The following KIAA1217 variants were observed in gnomAD, a reference collection of about 807,000 sequenced individuals.
KIAA1217 encodes the protein sickle tail protein homolog.
KIAA1217 carries 88 observed loss-of-function variants against 163.9 expected under a neutral mutation model. The observed-to-expected ratio is 0.54, with a 90% CI of 0.45 to 0.64. The LOEUF is 0.64. Ranked by LOEUF, KIAA1217 falls within the 30% of genes least tolerant of loss-of-function variation. KIAA1217 has a pLI of 0.00. For synonymous variants in KIAA1217, 903 were observed against 923.1 expected, an observed-to-expected ratio of 0.98 and a Z score of 0.39; for missense variants, 2,372 against 2,475.0, an observed-to-expected ratio of 0.96 and a Z score of 0.88.
rs1164253880 is a variant in KIAA1217, at chr10:24,324,088, G to A, written c.355-56781G>A. Among the ~76,000 whole-genome samples, 3 of 151,574 alleles carry A rather than the reference G, an allele frequency of 2.0e-5. No homozygotes were observed. In the East Asian group the frequency reaches 5.8e-4, roughly 29 times the overall value. ...TTGAGACCAGCCTGGGCAGTATAGCGAGACCTCATCTCTACAAAAAAAAAT... is the reference window on the plus strand; with the variant it reads ...TTGAGACCAGCCTGGGCAGTATAGCAAGACCTCATCTCTACAAAAAAAAAT... On this transcript the variant is annotated intron_variant, in intron 2 of 20. Transcript: ENST00000376454.
rs1304292494 is a variant in KIAA1217, at chr10:24,250,690, C to T, written c.354+30781C>T. On this transcript the variant is annotated intron_variant, in intron 2 of 20. Coordinates refer to ENST00000376454, the MANE Select transcript of KIAA1217 (RefSeq NM_019590.5). ...CTCCTGACCTCAAGTGATCTGCCCACCCCCCGCCCCTCGGCCTCACAAAGT... is the reference window on the plus strand; with the variant it reads ...CTCCTGACCTCAAGTGATCTGCCCATCCCCCGCCCCTCGGCCTCACAAAGT... Among the ~76,000 whole-genome samples the T allele has an allele frequency of 5.0e-5, 4 of 79,980 alleles. 1 individual carries two copies. Among genetic ancestry groups the T allele is most frequent in the African/African-American group, 1.5e-4 (3 of 19,810 alleles). The allele number at this position is 79,980 out of a possible 152,430, so 52.5% of individuals were successfully genotyped here.
intron 2 of KIAA1217, among the ~76,000 whole-genome samples, chr10:24,106,541 C>T (rs1234162717): frequency 1.3e-5 from 2 of 151,628 alleles, no homozygotes; most frequent in Non-Finnish European, 2.9e-5. Flanking sequence ...CAAGCTCTAA[C>T]TGCCTAAGTT....
intron 2 of KIAA1217, among the ~76,000 whole-genome samples, chr10:24,175,720 G>A (rs987778297): frequency 6.6e-6 from 1 of 152,096 alleles, no homozygotes; most frequent in Admixed American, 6.5e-5. Flanking sequence ...TCTTCCTTCT[G>A]GTGGGTTCAT....
chr10:23,885,338 C>A (rs1841125458), intron 1 of KIAA1217, among the ~76,000 whole-genome samples: 1 of 151,860 alleles, frequency 6.6e-6, no homozygotes, highest in African/African-American at 2.4e-5. Context: ...TAAGTATAGT[C>A]CTCATGCTGT....
chr10:24,371,336 C>T (rs2134503041), intron 2 of KIAA1217, among the ~76,000 whole-genome samples: 1 of 152,302 alleles, frequency 6.6e-6, no homozygotes, highest in African/African-American at 2.4e-5. Flanking sequence ...AATACTGTAT[C>T]ATCTACAAAC....
intron 2 of KIAA1217, among the ~76,000 whole-genome samples, chr10:24,327,678 A>G (rs973310623): frequency 6.6e-6 from 1 of 152,004 alleles, no homozygotes; most frequent in Non-Finnish European, 1.5e-5. Flanking sequence ...GAGTCTCCCT[A>G]TGTTGCTCCA....
intron 2 of KIAA1217, among the ~76,000 whole-genome samples, chr10:24,375,565 A>C (rs945447248): frequency 6.6e-6 from 1 of 152,250 alleles, no homozygotes. Flanking sequence ...TGAAATCAGA[A>C]TTTTGACTGG....
At chr10:23,877,206 G>A (rs534540274) in intron 1 of KIAA1217, among the ~76,000 whole-genome samples, 9 of 152,030 alleles carry the variant, frequency 5.9e-5, no homozygotes, top group Admixed American at 2.0e-4. Flanking sequence ...TTAATGAGAT[G>A]TACTCACCTA....
At position 24,543,652 on chromosome 10, in the gene KIAA1217, C is replaced by A. The variant is rs1414992065; in HGVS notation, c.4382C>A (p.Ser1461Ter). The A allele has an allele frequency of 1.2e-6, 2 of 1,613,864 alleles. No homozygotes were observed. The highest frequency in any genetic ancestry group is 1.7e-6 in the Non-Finnish European group (2 of 1,179,974). ...MDIRSAYKRLSTIFEECDEEL... is the reference protein window; with the variant it reads ...MDIRSAYKRL ...ATCCGGTCTGCCTATAAGAGACTTT[C>A]AACTATCTTTGAGGAATGTGATGAG... is the stretch of plus-strand genomic sequence containing the variant. The change falls in exon 19 of 21, where the codon TCA becomes TAA. Residue 1461 changes from serine to a stop codon, truncating the protein, a stop_gained. Transcript: ENST00000376454. LOFTEE classifies it high-confidence loss of function.
intron 3 of KIAA1217, among the ~76,000 whole-genome samples, chr10:24,426,591 C>T (rs935347891): frequency 5.9e-5 from 9 of 152,024 alleles, no homozygotes; most frequent in Non-Finnish European, 1.3e-4. Context: ...CACCATTGCA[C>T]TCCAGCTTGG....
intron 1 of KIAA1217, among the ~76,000 whole-genome samples, chr10:23,835,593 G>C (rs1838404027): frequency 6.6e-6 from 1 of 152,052 alleles, no homozygotes; most frequent in Non-Finnish European, 1.5e-5. Flanking sequence ...TGGTCACATT[G>C]GTATGTGTTT....
intron 2 of KIAA1217, among the ~76,000 whole-genome samples, chr10:24,278,226 C>A (rs1278836720): frequency 6.6e-6 from 1 of 152,166 alleles, no homozygotes; most frequent in African/African-American, 2.4e-5. Flanking sequence ...TCTGGAAAGT[C>A]TTCATTTCTG....
At chr10:24,472,742 T>C (rs1027274091) in intron 5 of KIAA1217, among the ~76,000 whole-genome samples, 2 of 152,118 alleles carry the variant, frequency 1.3e-5, no homozygotes, top group African/African-American at 4.8e-5. Context: ...ACACCATAGG[T>C]GTATCATTTT....
At chr10:23,845,318 T>C (rs1348758505) in intron 1 of KIAA1217, among the ~76,000 whole-genome samples, 1 of 152,218 alleles carries the variant, frequency 6.6e-6, no homozygotes, top group Non-Finnish European at 1.5e-5. Flanking sequence ...CCACACTGTC[T>C]TCCACAATGG....
chr10:24,063,009 G>C (rs563061613), intron 2 of KIAA1217, among the ~76,000 whole-genome samples: 1 of 151,262 alleles, frequency 6.6e-6, no homozygotes, highest in South Asian at 2.1e-4. Context: ...TTGTAAGTTT[G>C]TTTGAGTTCA....
At chr10:23,889,452 T>C (rs982262176) in intron 1 of KIAA1217, among the ~76,000 whole-genome samples, 41 of 151,910 alleles carry the variant, frequency 2.7e-4, no homozygotes, top group African/African-American at 8.0e-4. Flanking sequence ...TTGTGTCTAA[T>C]ATCCGTTCTC....
chr10:24,341,239 A>G (rs769634677), intron 2 of KIAA1217, among the ~76,000 whole-genome samples: 1 of 152,178 alleles, frequency 6.6e-6, no homozygotes, highest in African/African-American at 2.4e-5. Context: ...TTCTAGAGGC[A>G]TTCCACAGTG....
intron 2 of KIAA1217, among the ~76,000 whole-genome samples, chr10:24,108,855 T>C (rs750767809): frequency 6.6e-6 from 1 of 152,174 alleles, no homozygotes; most frequent in Non-Finnish European, 1.5e-5. Context: ...GTTTCGAGAC[T>C]ATGTTTCACT....
At chr10:24,537,872 G>A (rs1003944967) in intron 17 of KIAA1217, among the ~76,000 whole-genome samples, 1 of 152,142 alleles carries the variant, frequency 6.6e-6, no homozygotes, top group African/African-American at 2.4e-5. Flanking sequence ...CTAGGGAAAC[G>A]ACCATAGCCT....
Sources: allele counts gnomAD v4.1 joint callset (sites outside exome capture counted in the v4.1 genomes callset), GRCh38; gene constraint gnomAD v4.1.1; transcripts MANE v1.5; gene names NCBI Gene and HGNC (gene_info 2026-07-23, HGNC 2026-07-21).